GRIP1: variants seen among roughly 807,000 people sequenced by gnomAD.
GRIP1 encodes glutamate receptor-interacting protein 1.
GRIP1 carries 45 observed loss-of-function variants against 129.9 expected under a neutral mutation model. That is an observed-to-expected ratio of 0.35 (90% CI 0.27 to 0.44). The LOEUF (loss-of-function observed/expected upper bound fraction) is 0.44, where lower values mean the gene tolerates loss of function less well. Among genes scored for constraint, GRIP1 ranks in the 20% least tolerant of loss-of-function variants. The probability of loss-of-function intolerance (pLI) is 1.00; values close to 1 mark genes in which losing one functional copy is unlikely to be tolerated. For synonymous variants in GRIP1, 530 were observed against 520.8 expected, an observed-to-expected ratio of 1.02 and a Z score of -0.24; for missense variants, 1,196 against 1,396.8, an observed-to-expected ratio of 0.86 and a Z score of 2.29.
intron 1 of GRIP1, among the ~76,000 whole-genome samples, chr12:66,660,445 T>A (rs188245420): frequency 5.5e-4 from 84 of 152,282 alleles, no homozygotes; most frequent in Middle Eastern, 3.4e-3. Flanking sequence ...CTCTAATTGA[T>A]ATTTAAATCA....
chr12:66,958,032 TTATAA>T (rs143307299), intron 1 of GRIP1, among the ~76,000 whole-genome samples: 3,961 of 152,254 alleles, frequency 0.026, 166 homozygotes, highest in African/African-American at 0.09. Context: ...TGGATTATGA[TTATAA>T]TATAAAATTG....
At chr12:66,669,279 T>G (rs943188189) in intron 1 of GRIP1, among the ~76,000 whole-genome samples, 2 of 151,900 alleles carry the variant, frequency 1.3e-5, no homozygotes, top group Non-Finnish European at 2.9e-5. Context: ...TCCCAGCTAC[T>G]CGGGAGGCTG....
chr12:66,985,948 G>A (rs990282686), intron 1 of GRIP1, among the ~76,000 whole-genome samples: 1 of 152,052 alleles, frequency 6.6e-6, no homozygotes, highest in Non-Finnish European at 1.5e-5. Flanking sequence ...TAAAATTCAG[G>A]GTCATCTTTT....
chr12:66,925,045 AT>A (rs2041274629), intron 1 of GRIP1, among the ~76,000 whole-genome samples: 1 of 152,232 alleles, frequency 6.6e-6, no homozygotes, highest in Admixed American at 6.5e-5. Flanking sequence ...TTAGTGACAT[AT>A]CACTTTAAAA....
chr12:66,593,603 T>G (rs2063924389), intron 2 of GRIP1, among the ~76,000 whole-genome samples: 1 of 152,198 alleles, frequency 6.6e-6, no homozygotes, highest in Non-Finnish European at 1.5e-5. Flanking sequence ...ATCATAAAAC[T>G]TAGATAGAGA....
intron 1 of GRIP1, among the ~76,000 whole-genome samples, chr12:67,057,584 G>A (rs117378023): frequency 7.9e-5 from 12 of 152,134 alleles, no homozygotes; most frequent in Non-Finnish European, 1.8e-4. Context: ...TGCAGTTATT[G>A]AGTATAGAGC....
intron 13 of GRIP1, among the ~76,000 whole-genome samples, chr12:66,433,875 C>T (rs2058223556): frequency 6.6e-6 from 1 of 152,160 alleles, no homozygotes; most frequent in Admixed American, 6.5e-5. Flanking sequence ...GGTGCCTATC[C>T]AGCACACAGA....
chr12:66,410,910 A>C (rs1052196166), intron 15 of GRIP1, among the ~76,000 whole-genome samples: 10 of 152,258 alleles, frequency 6.6e-5, no homozygotes, highest in African/African-American at 2.4e-4. Flanking sequence ...AAATCATAAC[A>C]GTCTCTCAAG....
intron 2 of GRIP1, among the ~76,000 whole-genome samples, chr12:66,570,458 C>CT (rs1490007609): frequency 2.0e-5 from 3 of 152,170 alleles, no homozygotes; most frequent in African/African-American, 7.2e-5. Context: ...AGGCATATCT[C>CT]TAAGTCCTAG....
chr12:66,614,805 C>T (rs1364768835), intron 1 of GRIP1, among the ~76,000 whole-genome samples: 4 of 152,102 alleles, frequency 2.6e-5, no homozygotes, highest in Non-Finnish European at 2.9e-5. Flanking sequence ...CTGCTTTCCT[C>T]CCACTCCTTC....
At chr12:66,981,104 T>C (rs1010586571) in intron 1 of GRIP1, among the ~76,000 whole-genome samples, 1 of 152,200 alleles carries the variant, frequency 6.6e-6, no homozygotes, top group African/African-American at 2.4e-5. Context: ...ACCAAGCACT[T>C]AAGCAAAGAA....
chr12:66,355,243 C>T (rs541035688), intron 23 of GRIP1, among the ~76,000 whole-genome samples: 3 of 152,256 alleles, frequency 2.0e-5, no homozygotes, highest in South Asian at 4.2e-4. Context: ...TGTGCACACA[C>T]ACTGGACACT....
intron 1 of GRIP1, among the ~76,000 whole-genome samples, chr12:66,720,117 C>T (rs548298282): frequency 2.0e-5 from 3 of 152,048 alleles, no homozygotes; most frequent in East Asian, 3.8e-4. Flanking sequence ...GGAGATATTG[C>T]GGATTTGGCT....
intron 1 of GRIP1, among the ~76,000 whole-genome samples, chr12:66,722,054 G>T (rs7342347): frequency 6.6e-6 from 1 of 152,044 alleles, no homozygotes; most frequent in Non-Finnish European, 1.5e-5. Context: ...TCTCCGTATT[G>T]CAGTAAGGTT....
At position 67,016,021 on chromosome 12, in the gene GRIP1, C is replaced by T. The variant is rs76692111; in HGVS notation, c.58+53029G>A. On this transcript the variant is annotated intron_variant, in intron 1 of 1. Coordinates refer to the GRIP1 transcript ENST00000643019. ...GGATTTAAGGACACAATAGCATTTA[C>T]TTAATCTGAAACCATGTAACTCTGG... Among the ~76,000 whole-genome samples the T allele has an allele frequency of 4.2e-3, 634 of 152,286 alleles. 7 individuals are homozygous for T. Among genetic ancestry groups the T allele is most frequent in the African/African-American group, 0.014 (592 of 41,558 alleles).
At chr12:66,355,238 A>G (rs116682321) in intron 23 of GRIP1, among the ~76,000 whole-genome samples, 2,142 of 152,168 alleles carry the variant, frequency 0.014, 52 homozygotes, top group African/African-American at 0.049. Context: ...GTGTGTGTGC[A>G]CACACACTGG....
rs536629211 is a variant in GRIP1 at position 66,839,800 on chromosome 12, G to A, written c.58+229250C>T. ...GAGTTCAGCTCAACAAGTATTAATGGCACTTACTCTGTGCAAGGCACTCTG... is the reference window on the plus strand; with the variant it reads ...GAGTTCAGCTCAACAAGTATTAATGACACTTACTCTGTGCAAGGCACTCTG... On this transcript the variant is annotated intron_variant, in intron 1 of 1. Transcript: ENST00000643019. Among the ~76,000 whole-genome samples, 31 of 152,302 alleles carry A rather than the reference G, an allele frequency of 2.0e-4. 1 individual carries two copies. In the South Asian group the frequency reaches 6.4e-3, roughly 32 times the overall value.
intron 1 of GRIP1, among the ~76,000 whole-genome samples, chr12:66,982,464 C>T (rs1316306800): frequency 6.6e-6 from 1 of 152,160 alleles, no homozygotes; most frequent in African/African-American, 2.4e-5. Flanking sequence ...TGCTTCCAAG[C>T]TTAGGCTGAA....
chr12:66,503,230 G>A (rs994568077), intron 7 of GRIP1, among the ~76,000 whole-genome samples: 2 of 152,140 alleles, frequency 1.3e-5, no homozygotes, highest in South Asian at 2.1e-4. Context: ...CGAGTGAACC[G>A]GGCACGTGCA....
Sources: allele counts gnomAD v4.1 joint callset (sites outside exome capture counted in the v4.1 genomes callset), GRCh38; gene constraint gnomAD v4.1.1; transcripts MANE v1.5; gene names NCBI Gene and HGNC (gene_info 2026-07-23, HGNC 2026-07-21).